Variants in USP36 observed in about 807,000 individuals in gnomAD.
USP36 encodes ubiquitin specific peptidase 36, also known as ubiquitin carboxyl-terminal hydrolase 36.
USP36 carries 59 observed loss-of-function variants against 111.5 expected under a neutral mutation model. The ratio of observed to expected loss-of-function variants is 0.53; its 90% CI spans 0.43 to 0.66. The LOEUF (loss-of-function observed/expected upper bound fraction) is 0.66, where lower values mean the gene tolerates loss of function less well. USP36 is among the 30% of genes least tolerant of loss of function. The pLI is 0.00. For synonymous variants in USP36, 628 were observed against 581.0 expected (o/e 1.08, Z -1.16); for missense variants, 1,488 against 1,468.0 (o/e 1.01, Z -0.22).
At chr17:78,821,165 G>GCCAAAGATGAGATTCC (rs1327972136) in intron 7 of USP36, 104 bp from the exon 8 acceptor site, 1 of 1,147,778 alleles carries the variant, frequency 8.7e-7, no homozygotes, top group African/African-American at 1.6e-5. Flanking sequence ...CAGGGCTTTG[G>GCCAAAGATGAGATTCC]CCAAAGATGA....
chr17:78,790,708 C>A (rs1221452572), downstream of USP36, among the ~76,000 whole-genome samples: 2 of 152,082 alleles, frequency 1.3e-5, no homozygotes, highest in African/African-American at 2.4e-5. Flanking sequence ...TTTAAAATGG[C>A]CTTAAAAAAA....
rs111673036 is a variant in USP36, at chr17:78,816,661, G to A, written c.1023+2006C>T. Among the ~76,000 whole-genome samples, 550 of 151,488 alleles carry A rather than the reference G, an allele frequency of 3.6e-3. 2 individuals are homozygous for A. Among genetic ancestry groups the A allele is most frequent in the African/African-American group, 0.013 (528 of 41,344 alleles). On this transcript the variant is annotated intron_variant, in intron 10 of 20. Transcript: ENST00000449938. ...ACAAAAAAACCAAAATTTTTTTGTA[G>A]AGACAGGGTCTCACTATGTTGCCCA...
At chr17:78,825,101 G>C (rs2067416659) in intron 6 of USP36, among the ~76,000 whole-genome samples, 1 of 152,140 alleles carries the variant, frequency 6.6e-6, no homozygotes, top group Non-Finnish European at 1.5e-5. Flanking sequence ...GGGGACAAGA[G>C]CACATGGATA....
intron 6 of USP36, among the ~76,000 whole-genome samples, chr17:78,826,267 T>A (rs8068534): frequency 0.057 from 8,616 of 152,264 alleles, 773 homozygotes; most frequent in African/African-American, 0.19. Flanking sequence ...TGGTGGCTCA[T>A]GCCTGTAATC....
rs769422414 is a variant in USP36, at chr17:78,836,204, C to G, written c.160G>C (p.Glu54Gln). The change falls in exon 3 of 21, where the codon GAG (glutamate) becomes CAG (glutamine). Residue 54 changes from glutamate (E) to glutamine (Q), a missense_variant. Coordinates refer to ENST00000449938, the MANE Select transcript of USP36 (RefSeq NM_001385174.1). Reference protein sequence around the residue: ...PASKSFSYQLEALKSKYVLLN... With the variant: ...PASKSFSYQLQALKSKYVLLN... ...AACACATATTTGCTCTTTAAGGCCT[C>G]CAGCTGGTAGGAGAAGCTCTTGCTG... 6.2e-7 allele frequency: 1 copy of G among 1,613,982 alleles called. No individual in the cohort carries two copies. The highest frequency in any genetic ancestry group is 2.2e-5 in the East Asian group (1 of 44,888).
intron 13 of USP36, among the ~76,000 whole-genome samples, chr17:78,810,809 C>G (rs1340454034): frequency 6.6e-6 from 1 of 152,050 alleles, no homozygotes; most frequent in Non-Finnish European, 1.5e-5. Flanking sequence ...GAGAGGAAGA[C>G]GATCCATCAA....
chr17:78,799,938 G>T (rs2076194390), intron 17 of USP36, among the ~76,000 whole-genome samples, 170 bp from the exon 18 acceptor site: 1 of 120,614 alleles, frequency 8.3e-6, no homozygotes, highest in Admixed American at 1.1e-4. Context: ...TCCTAGGTTG[G>T]TCTCAAACTC....
chr17:78,830,364 T>C lies in USP36; in HGVS notation c.476-1357A>G, dbSNP rs562864371. On this transcript the variant is annotated intron_variant, in intron 4 of 20. Coordinates refer to ENST00000449938, the MANE Select transcript of USP36 (RefSeq NM_001385174.1). ...GTTCCTTCAAATCTTCCAGCTAGAA[T>C]ATTTCACTGAATGAAGAGACCACTG... Among the ~76,000 whole-genome samples, 5 of 152,356 alleles carry C rather than the reference T, an allele frequency of 3.3e-5. No individual in the cohort carries two copies. The East Asian group carries it at 9.6e-4, about 29-fold the overall frequency.
At chr17:78,799,188 T>C (rs577410141) in intron 18 of USP36, among the ~76,000 whole-genome samples, 165 bp from the exon 19 acceptor site, 1 of 152,200 alleles carries the variant, frequency 6.6e-6, no homozygotes, top group African/African-American at 2.4e-5. Flanking sequence ...TCGACGCCCA[T>C]GTGTGGTCGG....
Position 78,818,708 on chromosome 17 carries a change from G to T in USP36, c.982C>A (p.Leu328Ile), listed in dbSNP as rs765570767. 9.3e-6 allele frequency: 15 copies of T among 1,613,884 alleles called. No homozygotes were observed. The highest frequency in any genetic ancestry group is 1.3e-5 in the Non-Finnish European group (15 of 1,179,898). ...CCGCTGAAGTTGGCAAAGCGCTTGA[G>T]GGAAAGGGTTAAGACGTTGGATGTT... ...HRTSNVLTLS[L>I]KRFANFSGGK... Residue 328 changes from leucine to isoleucine, a missense_variant, in exon 10 of 21, where the codon CTC becomes ATC. Coordinates refer to ENST00000449938, the MANE Select transcript of USP36 (RefSeq NM_001385174.1).
In USP36 at chr17:78,807,402, TG is replaced by T; in HGVS notation, c.1641del (p.Arg548GlufsTer49). ...GTCCCAGGCAGCCCCTGAGCAGTTCTGGGGGAAAAGTGCTGTGGAGGAGCTG... is the reference window on the plus strand; with the variant it reads ...GTCCCAGGCAGCCCCTGAGCAGTTCTGGGGAAAAGTGCTGTGGAGGAGCTG... The part of the protein sequence containing the change: ...KKPAPPQHFS[P>X]RTAQGLPGTS... On this transcript the variant is annotated frameshift_variant, in exon 14 of 21. Coordinates refer to ENST00000449938, the MANE Select transcript of USP36 (RefSeq NM_001385174.1). LOFTEE classifies it high-confidence loss of function. The T allele has an allele frequency of 6.2e-7, 1 of 1,614,182 alleles. No homozygotes were observed. The highest frequency in any genetic ancestry group is 8.5e-7 in the Non-Finnish European group (1 of 1,180,020).
At chr17:78,814,347 A>T in intron 11 of USP36, 65 bp downstream of exon 11, 1 of 1,595,810 alleles carries the variant, frequency 6.3e-7, no homozygotes, top group Non-Finnish European at 8.5e-7. Flanking sequence ...CAGAGGCCGC[A>T]TCTGGATGTG....
chr17:78,818,549 C>A (rs971908940), intron 10 of USP36, 118 bp downstream of exon 10: 7 of 845,212 alleles, frequency 8.3e-6, no homozygotes, highest in Non-Finnish European at 1.4e-5. Context: ...ACCTTTAGAA[C>A]AGGGACAGGT....
rs769973055 is a variant in USP36 at position 78,807,590 on chromosome 17, A to G, written c.1454T>C (p.Ile485Thr). The change falls in exon 14 of 21, where the codon ATT (isoleucine) becomes ACT (threonine). Residue 485 changes from isoleucine to threonine, a missense_variant. Physicochemically the swap from Ile to Thr is moderately conservative, Grantham distance 89. Coordinates refer to ENST00000449938, the MANE Select transcript of USP36 (RefSeq NM_001385174.1). ...TMKKPHTTEE[I>T]GVPISRNGST... Reference sequence around the variant, plus strand: ...GCCATTCCTGGATATGGGCACACCAATCTCTTCAGTGGTGTGCGGCTTCTT... The same window carrying G: ...GCCATTCCTGGATATGGGCACACCAGTCTCTTCAGTGGTGTGCGGCTTCTT... 6.9e-6 allele frequency: 11 copies of G among 1,588,606 alleles called. No individual in the cohort carries two copies. Among genetic ancestry groups the G allele is most frequent in the Admixed American group, 3.5e-5 (2 of 56,558 alleles).
chr17:78,825,137 T>G lies in USP36; in HGVS notation c.689+2108A>C, dbSNP rs78592046. Reference sequence around the variant, plus strand: ...TAGAAAATGAAAACTGCATCATCAGTAGACCCATCCATGGACAGAGGAGCA... The same window carrying G: ...TAGAAAATGAAAACTGCATCATCAGGAGACCCATCCATGGACAGAGGAGCA... On this transcript the variant is annotated intron_variant, in intron 6 of 20. Transcript: ENST00000449938. Among the ~76,000 whole-genome samples, 338 of 152,204 alleles carry G rather than the reference T, an allele frequency of 2.2e-3. 3 individuals are homozygous for G. Among genetic ancestry groups the G allele is most frequent in the African/African-American group, 7.8e-3 (324 of 41,514 alleles).
At chr17:78,822,390 CCT>C (rs1282045951) in intron 6 of USP36, among the ~76,000 whole-genome samples, 3 of 152,172 alleles carry the variant, frequency 2.0e-5, no homozygotes, top group Non-Finnish European at 2.9e-5. Flanking sequence ...CAAACATCCC[CCT>C]GAGCTAGGGC....
At chr17:78,837,657 T>G (rs2068810632) in intron 2 of USP36, among the ~76,000 whole-genome samples, 1 of 152,090 alleles carries the variant, frequency 6.6e-6, no homozygotes, top group Non-Finnish European at 1.5e-5. Flanking sequence ...CCTCTCAACT[T>G]AACCTTCCCA....
rs767032132 is a variant in USP36 at position 78,802,464 on chromosome 17, CTTT to C, written c.2879_2881del (p.Lys960del). 3.1e-5 allele frequency: 49 copies of C among 1,580,920 alleles called. No homozygotes were observed. The African/African-American group carries it at 5.7e-4, about 18-fold the overall frequency. On this transcript the variant is annotated inframe_deletion, in exon 17 of 21. Transcript: ENST00000449938. ...TACTGCCCGCTGTGTCTCCTGCTTT[CTTT>C]TTTTCTTTTTCTTTTTCCTTGGAGA... is the stretch of plus-strand genomic sequence containing the variant.
At position 78,802,342 on chromosome 17, in the gene USP36, A is replaced by G. The variant is rs1336411925; in HGVS notation, c.3004T>C (p.Cys1002Arg). ...SSCAPSANGW[C>R]PGDRMGLSQA... ...TGCATACCCATGCGGTCCCCAGGAC[A>G]CCAGCCATTCGCGGATGGTGCGCAG... Residue 1002 changes from cysteine to arginine, a missense_variant, in exon 17 of 21, where the codon TGT (cysteine) becomes CGT (arginine). Coordinates refer to ENST00000449938, the MANE Select transcript of USP36 (RefSeq NM_001385174.1). 21 of 1,586,378 alleles carry G rather than the reference A, an allele frequency of 1.3e-5. No individual in the cohort carries two copies. The highest frequency in any genetic ancestry group is 1.7e-5 in the Non-Finnish European group (20 of 1,167,090).
Sources: allele counts gnomAD v4.1 joint callset (sites outside exome capture counted in the v4.1 genomes callset), GRCh38; gene constraint gnomAD v4.1.1; transcripts MANE v1.5; gene names NCBI Gene and HGNC (gene_info 2026-07-23, HGNC 2026-07-21).